Variants in IFNAR2 observed in about 807,000 individuals in gnomAD.
IFNAR2 encodes the protein interferon alpha/beta receptor 2.
IFNAR2 carries 30 observed loss-of-function variants against 49.4 expected under a neutral mutation model. That is an observed-to-expected ratio of 0.61 (90% CI 0.45 to 0.82). IFNAR2 has a LOEUF of 0.82. Among genes scored for constraint, IFNAR2 ranks in the 40% least tolerant of loss-of-function variants. The pLI, the probability that IFNAR2 is intolerant of heterozygous loss-of-function variation, is 0.00. For missense variants in IFNAR2, 600 were observed against 622.7 expected, an observed-to-expected ratio of 0.96 and a Z score of 0.39; for synonymous variants, 224 against 234.5, an observed-to-expected ratio of 0.96 and a Z score of 0.41.
intron 6 of IFNAR2, chr21:33,251,688 T>C (rs1987846391): frequency 4.1e-6 from 4 of 985,026 alleles, no homozygotes; most frequent in Admixed American, 6.1e-5. Flanking sequence ...TTTTAAAAAC[T>C]GTAAAACATG....
At chr21:33,244,843 G>C (rs1353739092) in intron 3 of IFNAR2, 108 bp from the exon 4 acceptor site, 3 of 1,007,588 alleles carry the variant, frequency 3.0e-6, no homozygotes, top group Non-Finnish European at 4.6e-6. Flanking sequence ...TCTCTGGAGA[G>C]GTTATCTGCC....
At chr21:33,254,088 G>C (rs1275294846) in intron 7 of IFNAR2, among the ~76,000 whole-genome samples, 1 of 152,102 alleles carries the variant, frequency 6.6e-6, no homozygotes, top group Non-Finnish European at 1.5e-5. Context: ...AAATAAGGTA[G>C]GATCTATAAA....
intron 4 of IFNAR2, among the ~76,000 whole-genome samples, chr21:33,245,813 T>G (rs1447554209): frequency 6.6e-6 from 1 of 152,206 alleles, no homozygotes; most frequent in Non-Finnish European, 1.5e-5. Flanking sequence ...CTTGTGAGTT[T>G]CTCTTCGGTG....
chr21:33,263,115 T>G lies in IFNAR2; in HGVS notation c.1163T>G (p.Leu388Trp). 6.2e-7 allele frequency: 1 copy of G among 1,614,186 alleles called. No homozygotes were observed. The highest frequency in any genetic ancestry group is 8.5e-7 in the Non-Finnish European group (1 of 1,180,030). The change falls in exon 9 of 9, where the codon TTG (leucine) becomes TGG (tryptophan). Residue 388 changes from leucine to tryptophan, a missense_variant. By Grantham distance (61) the Leu-to-Trp change is moderately conservative (BLOSUM62 -2). Transcript: ENST00000342136. The part of the protein sequence containing the change: ...PTMPKDSPQQ[L>W]ELLSGPCERR... ...ATGCCAAAGGACAGCCCTCAGCAGTTGGAACTCTTGAGTGGGCCCTGTGAG... is the reference window on the plus strand; with the variant it reads ...ATGCCAAAGGACAGCCCTCAGCAGTGGGAACTCTTGAGTGGGCCCTGTGAG...
chr21:33,230,202 G>A lies in IFNAR2; in HGVS notation c.-98G>A. 1.9e-5 allele frequency: 20 copies of A among 1,039,540 alleles called. No individual in the cohort carries two copies. Among genetic ancestry groups the A allele is most frequent in the Non-Finnish European group, 2.3e-5 (20 of 859,960 alleles). 64.4% of individuals were successfully genotyped at this position (1,039,540 alleles called of 1,614,324 possible). On this transcript the variant is annotated 5_prime_UTR_variant, in exon 1 of 9. Transcript: ENST00000342136. This position sits in a 1 kb window ranked among gnomAD's most constrained non-coding sequence, Gnocchi z 5.5. Reference sequence around the variant, plus strand: ...GCTAGCATCTCTCGGGAGCCGCAAGGCGAGAGCTGCAAAGGTAACGCAGCG... The same window carrying A: ...GCTAGCATCTCTCGGGAGCCGCAAGACGAGAGCTGCAAAGGTAACGCAGCG...
In IFNAR2 at chr21:33,230,392, T is replaced by A. The variant is rs1985954618; in HGVS notation, c.-84+176T>A. On this transcript the variant is annotated intron_variant, in intron 1 of 8. Coordinates refer to ENST00000342136, the MANE Select transcript of IFNAR2 (RefSeq NM_001289125.3). The surrounding 1 kb of genome is among the most constrained non-coding windows in gnomAD (Gnocchi z 5.5). The stretch of plus-strand genomic sequence containing the variant: ...CTTGAGTATGCGGCTAGTGCGCCCT[T>A]CCTCTCTCCCGGGGCCGCACCTGCG... 1 of 530,800 alleles carries A rather than the reference T, an allele frequency of 1.9e-6. No homozygotes were observed. The highest frequency in any genetic ancestry group is 2.0e-5 in the African/African-American group (1 of 49,210). The allele number at this position is 530,800 out of a possible 1,614,324, so 32.9% of individuals were successfully genotyped here. A position where few individuals can be genotyped will look rare whatever the true frequency, so the allele number is the denominator to read the frequency against.
At chr21:33,260,768 GT>G in intron 8 of IFNAR2, 41 bp downstream of exon 8, 1 of 1,296,486 alleles carries the variant, frequency 7.7e-7, no homozygotes, top group South Asian at 1.7e-5. Flanking sequence ...TTCTATCTTT[GT>G]TTTTTATTTT....
intron 3 of IFNAR2, 104 bp downstream of exon 3, chr21:33,243,818 A>T: frequency 1.2e-6 from 1 of 854,928 alleles, no homozygotes; most frequent in East Asian, 2.4e-5. Flanking sequence ...CTGATTGTAC[A>T]TCTGTTGCCT....
At chr21:33,233,462 A>C (rs577183112) in intron 1 of IFNAR2, among the ~76,000 whole-genome samples, 30 of 152,352 alleles carry the variant, frequency 2.0e-4, no homozygotes, top group African/African-American at 7.2e-4. Flanking sequence ...AGAAAATGTC[A>C]TGTGGGAATA....
chr21:33,231,338 GACTTGA>G (rs1986049514), intron 1 of IFNAR2, among the ~76,000 whole-genome samples: 1 of 152,192 alleles, frequency 6.6e-6, no homozygotes, highest in Non-Finnish European at 1.5e-5. Context: ...CGCAGAAAAT[GACTTGA>G]ACTTGTAAGT....
chr21:33,252,202 G>T (rs761961830), intron 6 of IFNAR2: 1 of 470,856 alleles, frequency 2.1e-6, no homozygotes, highest in Admixed American at 2.4e-5. Flanking sequence ...CCTTGGAGAA[G>T]TTACTTAGCC....
chr21:33,246,982 T>TG, intron 5 of IFNAR2, 92 bp downstream of exon 5: 4 of 1,101,268 alleles, frequency 3.6e-6, no homozygotes, highest in Non-Finnish European at 5.3e-6. Flanking sequence ...CAAAGGTGTT[T>TG]TAGACCTGGG....
chr21:33,246,069 G>A (rs1601801084), intron 4 of IFNAR2, among the ~76,000 whole-genome samples: 1 of 147,736 alleles, frequency 6.8e-6, no homozygotes, highest in Admixed American at 6.9e-5. Flanking sequence ...TACTCATCCG[G>A]CAATTTTTTT....
intron 8 of IFNAR2, 157 bp from the exon 9 acceptor site, chr21:33,262,636 C>T (rs780981243): frequency 7.6e-6 from 8 of 1,046,240 alleles, no homozygotes; most frequent in Admixed American, 1.8e-5. Flanking sequence ...GTCTGAAACT[C>T]CTGAGCTCAA....
At chr21:33,252,090 A>G (rs1464938157) in intron 6 of IFNAR2, 4 of 440,010 alleles carry the variant, frequency 9.1e-6, no homozygotes, top group Admixed American at 2.7e-5. Context: ...CCATCTATCT[A>G]TCTATCTATC....
chr21:33,244,908 T>C lies in IFNAR2; in HGVS notation c.98-43T>C, dbSNP rs2834158. ...GACTGAACAGTGGCCAGAATACAAC[T>C]GTGGGTTCCAAATTTCAATGCCCTT... On this transcript the variant is annotated intron_variant, in intron 3 of 8. Transcript: ENST00000342136. 1,063,519 of 1,601,928 alleles carry C rather than the reference T, an allele frequency of 0.66. 357,868 individuals carry two copies. Among genetic ancestry groups the C allele is most frequent in the African/African-American group, 0.81 (60,120 of 74,672 alleles).
rs771561101 is a variant in IFNAR2, at chr21:33,262,924, C to T, written c.972C>T (p.Ser324=). 2.4e-5 allele frequency: 38 copies of T among 1,614,002 alleles called. No individual in the cohort carries two copies. In the Middle Eastern group the frequency reaches 6.6e-4, roughly 28 times the overall value. Residue 324 remains serine (S), a synonymous_variant, in exon 9 of 9, where the codon AGC becomes AGT. Transcript: ENST00000342136. ...ATAATTATGATGATGAAAGTGATAG[C>T]GATACTGAGGCAGCGCCCAGGACAA... ...WDYNYDDESD[S]DTEAAPRTSG...
intron 7 of IFNAR2, among the ~76,000 whole-genome samples, chr21:33,255,572 C>T (rs1988154387): frequency 1.6e-5 from 2 of 124,018 alleles, no homozygotes; most frequent in South Asian, 3.1e-4. Context: ...GTCCCAAGTG[C>T]AGGAGCTTCT....
intron 1 of IFNAR2, chr21:33,231,781 G>A (rs1227613979): frequency 4.2e-6 from 3 of 714,488 alleles, no homozygotes; most frequent in Non-Finnish European, 5.1e-6. Context: ...TCGCTCTGTC[G>A]CGCAGGCTGG....
Sources: allele counts gnomAD v4.1 joint callset (sites outside exome capture counted in the v4.1 genomes callset), GRCh38; gene constraint gnomAD v4.1.1; non-coding constraint Gnocchi (gnomAD v3.1); transcripts MANE v1.5; gene names NCBI Gene and HGNC (gene_info 2026-07-23, HGNC 2026-07-21).